The following SLC22A5 variants were observed in gnomAD, a reference collection of about 807,000 sequenced individuals.
SLC22A5 encodes organic cation/carnitine transporter 2.
In SLC22A5, 44 loss-of-function variants were observed where a neutral mutation model predicts 56.7. The ratio of observed to expected loss-of-function variants is 0.78; its 90% CI spans 0.61 to 1.00. SLC22A5 has a LOEUF of 1.00. Ranked by LOEUF, SLC22A5 falls within the 50% of genes least tolerant of loss-of-function variation. The pLI, the probability that SLC22A5 is intolerant of heterozygous loss-of-function variation, is 0.00. For synonymous variants in SLC22A5, 278 were observed against 292.1 expected (o/e 0.95, Z 0.49); for missense variants, 675 against 723.0 (o/e 0.93, Z 0.76).
At chr5:132,392,754 C>A in intron 8 of SLC22A5, 139 bp downstream of exon 8, 2 of 762,158 alleles carry the variant, frequency 2.6e-6, no homozygotes, top group South Asian at 1.5e-5. Context: ...GGATCTTTGG[C>A]CGGGAAGGGT....
At chr5:132,379,980 C>T (rs1178360674) in intron 2 of SLC22A5, 1 of 152,236 alleles carries the variant, frequency 6.6e-6, no homozygotes, top group Admixed American at 6.5e-5. Context: ...TGTCCTAAAA[C>T]TTGCTTTCTA....
At chr5:132,383,906 A>G (rs766068595) in intron 2 of SLC22A5, 2 of 566,618 alleles carry the variant, frequency 3.5e-6, no homozygotes, top group Non-Finnish European at 3.2e-6. Flanking sequence ...AATCATTATC[A>G]TAATTGTAGC....
intron 7 of SLC22A5, 78 bp downstream of exon 7, chr5:132,390,982 G>C: frequency 8.2e-7 from 1 of 1,215,870 alleles, no homozygotes. Flanking sequence ...AATTAATAAA[G>C]AGAATAAAAT....
intron 5 of SLC22A5, among the ~76,000 whole-genome samples, chr5:132,387,370 C>T (rs1217926970): frequency 1.3e-5 from 2 of 149,984 alleles, no homozygotes; most frequent in East Asian, 2.0e-4. Context: ...ACTCTTTTCA[C>T]CACGGGTTTC....
chr5:132,378,507 C>A, intron 2 of SLC22A5, 26 bp downstream of exon 2: 2 of 1,539,506 alleles, frequency 1.3e-6, no homozygotes, highest in South Asian at 1.1e-5. Context: ...TCTGGAGCAC[C>A]AGGGGACCTC....
At chr5:132,383,736 CA>C in intron 2 of SLC22A5, 1 of 263,438 alleles carries the variant, frequency 3.8e-6, no homozygotes, top group South Asian at 4.3e-5. Flanking sequence ...ACATAGTTTA[CA>C]AAGGAAAATC....
intron 2 of SLC22A5, chr5:132,381,974 A>T (rs1448013696): frequency 2.0e-5 from 3 of 152,166 alleles, no homozygotes; most frequent in Admixed American, 2.0e-4. Context: ...CATATAGAAC[A>T]TGCTTGTTAA....
At chr5:132,374,304 G>A (rs1447993648) in intron 1 of SLC22A5, among the ~76,000 whole-genome samples, 1 of 151,758 alleles carries the variant, frequency 6.6e-6, no homozygotes, top group Admixed American at 6.6e-5. Context: ...AGAAGCCCTC[G>A]GCCCAGTCCT....
chr5:132,393,919 T>C (rs759442080), intron 9 of SLC22A5, 108 bp downstream of exon 9: 4 of 1,315,044 alleles, frequency 3.0e-6, no homozygotes, highest in Non-Finnish European at 4.4e-6. Context: ...ACAGACACCA[T>C]GGACTAGTTT....
At chr5:132,384,746 A>G (rs1290356064) in intron 3 of SLC22A5, among the ~76,000 whole-genome samples, 26 of 152,214 alleles carry the variant, frequency 1.7e-4, no homozygotes. Flanking sequence ...GGCTGGTGAT[A>G]TCTACGGACA....
intron 1 of SLC22A5, among the ~76,000 whole-genome samples, chr5:132,374,638 A>G (rs1376154513): frequency 1.3e-5 from 2 of 152,252 alleles, no homozygotes; most frequent in South Asian, 2.1e-4. Context: ...CCCACTATGC[A>G]CGTACATAGT....
At chr5:132,382,568 T>C (rs1752386455) in intron 2 of SLC22A5, 1 of 152,154 alleles carries the variant, frequency 6.6e-6, no homozygotes, top group African/African-American at 2.4e-5. Context: ...AAATCCCCCA[T>C]CGTCAACTAT....
intron 7 of SLC22A5, among the ~76,000 whole-genome samples, chr5:132,391,157 A>G (rs1260599074): frequency 6.6e-6 from 1 of 152,224 alleles, no homozygotes; most frequent in African/African-American, 2.4e-5. Flanking sequence ...TAATGTGCTC[A>G]TACTGTTTTC....
chr5:132,376,519 G>C (rs200499893), intron 1 of SLC22A5: 1 of 152,176 alleles, frequency 6.6e-6, no homozygotes, highest in Admixed American at 6.5e-5. Context: ...GCCAGCCAAG[G>C]AGTCTTTAGA....
Position 132,394,667 on chromosome 5 carries a change from T to C in SLC22A5, c.*395T>C. Reference sequence around the variant, plus strand: ...GCTAGAGGTCTAAGTCCCCCACCCCTTTCCCCACTCCCCTCTAGTGGTGAA... The same window carrying C: ...GCTAGAGGTCTAAGTCCCCCACCCCCTTCCCCACTCCCCTCTAGTGGTGAA... On this transcript the variant is annotated 3_prime_UTR_variant, in exon 10 of 10. Transcript: ENST00000245407. 1 of 219,744 alleles carries C rather than the reference T, an allele frequency of 4.6e-6. No homozygotes were observed. The highest frequency in any genetic ancestry group is 9.1e-6 in the Non-Finnish European group (1 of 109,470). The allele number at this position is 219,744 out of a possible 1,614,324, so 13.6% of individuals were successfully genotyped here.
intron 1 of SLC22A5, among the ~76,000 whole-genome samples, chr5:132,375,770 C>T (rs1752121506): frequency 6.6e-6 from 1 of 152,226 alleles, no homozygotes; most frequent in Admixed American, 6.5e-5. Flanking sequence ...AGTCTAGGCC[C>T]TTTGCCAGAG....
At position 132,370,193 on chromosome 5, in the gene SLC22A5, G is replaced by A. The variant is rs1031179639; in HGVS notation, c.221G>A (p.Gly74Asp). 32 of 1,592,318 alleles carry A rather than the reference G, an allele frequency of 2.0e-5. No individual in the cohort carries two copies. The highest frequency in any genetic ancestry group is 2.7e-5 in the Non-Finnish European group (32 of 1,169,852). ...NHTVPLRLRD[G>D]REVPHSCRRY... ...ACTGTCCCACTGCGGCTGCGGGACG[G>A]CCGCGAGGTGCCCCACAGCTGCCGC... The change falls in exon 1 of 10, where the codon GGC (glycine) becomes GAC (aspartate). Residue 74 changes from glycine to aspartate, a missense_variant. By Grantham distance (94) the Gly-to-Asp change is moderately conservative. Coordinates refer to ENST00000245407, the MANE Select transcript of SLC22A5 (RefSeq NM_003060.4).
chr5:132,390,190 T>C (rs767661955), intron 6 of SLC22A5: 57 of 223,320 alleles, frequency 2.6e-4, no homozygotes, highest in African/African-American at 1.3e-3. Context: ...GACCAGCCTC[T>C]TCCTGACTGG....
intron 5 of SLC22A5, among the ~76,000 whole-genome samples, chr5:132,388,535 C>T (rs1216746046): frequency 6.6e-6 from 1 of 152,136 alleles, no homozygotes; most frequent in East Asian, 1.9e-4. Flanking sequence ...ATAAACCACA[C>T]AGCCAGGTAC....
Sources: allele counts gnomAD v4.1 joint callset (sites outside exome capture counted in the v4.1 genomes callset), GRCh38; gene constraint gnomAD v4.1.1; transcripts MANE v1.5; gene names NCBI Gene and HGNC (gene_info 2026-07-23, HGNC 2026-07-21).